SRC: variants seen among roughly 807,000 people sequenced by gnomAD.
SRC encodes the protein proto-oncogene tyrosine-protein kinase Src.
SRC carries 13 observed loss-of-function variants against 62.9 expected under a neutral mutation model. That is an observed-to-expected ratio of 0.21 (90% CI 0.13 to 0.33). The LOEUF is 0.33. Among genes scored for constraint, SRC ranks in the 10% least tolerant of loss-of-function variants. The pLI, the probability that SRC is intolerant of heterozygous loss-of-function variation, is 1.00. For missense variants in SRC, 457 were observed against 737.3 expected (o/e 0.62, Z 4.40); for synonymous variants, 302 against 317.5 (o/e 0.95, Z 0.52).
chr20:37,390,493 G>A lies in SRC; in HGVS notation c.351-3402G>A, dbSNP rs575106243. Among the ~76,000 whole-genome samples, 5 of 150,024 alleles carry A rather than the reference G, an allele frequency of 3.3e-5. No individual in the cohort carries two copies. In the South Asian group the frequency reaches 1.1e-3, roughly 32 times the overall value. On this transcript the variant is annotated intron_variant, in intron 5 of 13. Transcript: ENST00000373578. Reference sequence around the variant, plus strand: ...GCTTACTGCAATCTCTACCTTCTGGGTTCAAGTGATTCTCCTGCCTCAGCT... The same window carrying A: ...GCTTACTGCAATCTCTACCTTCTGGATTCAAGTGATTCTCCTGCCTCAGCT...
chr20:37,380,539 G>A (rs78193490), intron 2 of SRC, among the ~76,000 whole-genome samples: 2,026 of 152,314 alleles, frequency 0.013, 18 homozygotes, highest in Non-Finnish European at 0.021. Flanking sequence ...TGAATACCAC[G>A]GAATGATATT....
chr20:37,358,126 G>T (rs1421437897), intron 1 of SRC, among the ~76,000 whole-genome samples: 4 of 152,222 alleles, frequency 2.6e-5, no homozygotes, highest in African/African-American at 7.2e-5. Context: ...AGAGGAGGAG[G>T]CTGGGCACAG....
intron 11 of SRC, 122 bp downstream of exon 11, chr20:37,401,800 C>G (rs1190831128): frequency 1.4e-5 from 9 of 631,174 alleles, no homozygotes; most frequent in Non-Finnish European, 2.1e-5. Flanking sequence ...TGCCTCCACA[C>G]TCACTGATCT....
intron 5 of SRC, among the ~76,000 whole-genome samples, chr20:37,388,956 C>T (rs182186958): frequency 5.7e-4 from 87 of 152,210 alleles, no homozygotes; most frequent in African/African-American, 2.1e-3. Flanking sequence ...GTGCCTCCCC[C>T]ACCCTGTAAG....
chr20:37,373,198 G>A (rs148073573), intron 2 of SRC, among the ~76,000 whole-genome samples: 1 of 147,124 alleles, frequency 6.8e-6, no homozygotes, highest in Non-Finnish European at 1.5e-5. Context: ...ATACATATAT[G>A]TACATATCTA....
At position 37,396,047 on chromosome 20, in the gene SRC, G is replaced by A. The variant is rs1568642187; in HGVS notation, c.554-115G>A. The A allele has an allele frequency of 2.7e-6, 4 of 1,473,472 alleles. No individual in the cohort carries two copies. Among genetic ancestry groups the A allele is most frequent in the East Asian group, 2.3e-5 (1 of 43,100 alleles). 91.3% of individuals were successfully genotyped at this position (1,473,472 alleles called of 1,614,324 possible). A position where few individuals can be genotyped will look rare whatever the true frequency, so the allele number is the denominator to read the frequency against. ...TGTTGAGAGACAGGGTGGGCCTGGG[G>A]CCCCGCCTGGGCCTCCCTTCCCTCC... is the stretch of plus-strand genomic sequence containing the variant. On this transcript the variant is annotated intron_variant, in intron 7 of 13. Coordinates refer to ENST00000373578, the MANE Select transcript of SRC (RefSeq NM_198291.3). The surrounding 1 kb of genome is among the most constrained non-coding windows in gnomAD (Gnocchi z 6.1).
chr20:37,374,031 G>GTTT lies in SRC; in HGVS notation c.-172-8581_-172-8579dup, dbSNP rs11473947. Among the ~76,000 whole-genome samples, 431 of 147,980 alleles carry GTTT rather than the reference G, an allele frequency of 2.9e-3. 1 individual carries two copies. The highest frequency in any genetic ancestry group is 0.01 in the African/African-American group (416 of 40,308). On this transcript the variant is annotated intron_variant, in intron 2 of 13. Coordinates refer to ENST00000373578, the MANE Select transcript of SRC (RefSeq NM_198291.3). ...ACTTGCCTAGTTAAAAAAAACTTGGGTTTTTTTTTAATTGGGATCACATTG... is the reference window on the plus strand; with the variant it reads ...ACTTGCCTAGTTAAAAAAAACTTGGGTTTTTTTTTTTTAATTGGGATCACATTG...
chr20:37,358,046 G>A (rs1317727127), intron 1 of SRC, among the ~76,000 whole-genome samples: 1 of 152,204 alleles, frequency 6.6e-6, no homozygotes, highest in African/African-American at 2.4e-5. Context: ...TCTGTGGGTG[G>A]TATTAAGCAG....
chr20:37,386,061 A>G lies in SRC; in HGVS notation c.251-14A>G. 1 of 1,609,376 alleles carries G rather than the reference A, an allele frequency of 6.2e-7. No individual in the cohort carries two copies. The highest frequency in any genetic ancestry group is 8.5e-7 in the Non-Finnish European group (1 of 1,175,890). ...TGGCCCCACTGTTCTGACACACCCC[A>G]CCCCTCTCTGCAGGTGGAGTGACCA... On this transcript the variant is annotated splice_polypyrimidine_tract_variant and intron_variant, in intron 4 of 13. Transcript: ENST00000373578.
chr20:37,385,486 A>G (rs2070440338), intron 4 of SRC, among the ~76,000 whole-genome samples: 2 of 144,524 alleles, frequency 1.4e-5, no homozygotes, highest in Admixed American at 6.8e-5. Flanking sequence ...GCTGCTGCGA[A>G]GGCGCAAAAC....
chr20:37,362,116 G>A (rs937048886), intron 1 of SRC, among the ~76,000 whole-genome samples: 2 of 151,894 alleles, frequency 1.3e-5, no homozygotes, highest in South Asian at 2.1e-4. Flanking sequence ...GTGCAGTGGT[G>A]TAATCATAGC....
At chr20:37,358,001 G>A (rs1000578178) in intron 1 of SRC, among the ~76,000 whole-genome samples, 1 of 152,236 alleles carries the variant, frequency 6.6e-6, no homozygotes, top group African/African-American at 2.4e-5. Flanking sequence ...GGAGGCCCCT[G>A]TGACGACTTT....
At chr20:37,379,230 G>A (rs2070324820) in intron 2 of SRC, among the ~76,000 whole-genome samples, 1 of 152,094 alleles carries the variant, frequency 6.6e-6, no homozygotes, top group African/African-American at 2.4e-5. Flanking sequence ...CTTTCCCTGG[G>A]AACCTCAGGC....
chr20:37,396,048 C>T lies in SRC; in HGVS notation c.554-114C>T. The T allele has an allele frequency of 6.8e-7, 1 of 1,474,794 alleles. No individual in the cohort carries two copies. The highest frequency in any genetic ancestry group is 2.0e-5 in the Admixed American group (1 of 50,314). 91.4% of individuals were successfully genotyped at this position (1,474,794 alleles called of 1,614,324 possible). A position where few individuals can be genotyped will look rare whatever the true frequency, so the allele number is the denominator to read the frequency against. ...GTTGAGAGACAGGGTGGGCCTGGGG[C>T]CCCGCCTGGGCCTCCCTTCCCTCCA... On this transcript the variant is annotated intron_variant, in intron 7 of 13. Coordinates refer to ENST00000373578, the MANE Select transcript of SRC (RefSeq NM_198291.3). The surrounding 1 kb of genome is among the most constrained non-coding windows in gnomAD (Gnocchi z 6.1).
intron 9 of SRC, 42 bp from the exon 10 acceptor site, chr20:37,400,073 T>G (rs2070715342): frequency 1.3e-6 from 2 of 1,535,848 alleles, no homozygotes; most frequent in East Asian, 2.3e-5. Context: ...GTGGTAGGAG[T>G]TGGGGGGCTC....
chr20:37,370,990 C>CTTCT (rs2070155382), intron 2 of SRC, among the ~76,000 whole-genome samples: 2 of 84,214 alleles, frequency 2.4e-5, no homozygotes, highest in African/African-American at 1.6e-4. Flanking sequence ...TCTTCTTCTT[C>CTTCT]TTTTTTTTTT....
chr20:37,364,566 G>A (rs2070033318), intron 1 of SRC, among the ~76,000 whole-genome samples: 1 of 152,122 alleles, frequency 6.6e-6, no homozygotes, highest in South Asian at 2.1e-4. Flanking sequence ...GGGTGGAGCT[G>A]AGAGAGGCTA....
chr20:37,356,647 T>TG (rs1386679184), intron 1 of SRC, among the ~76,000 whole-genome samples: 4 of 152,168 alleles, frequency 2.6e-5, no homozygotes, highest in Non-Finnish European at 5.9e-5. Flanking sequence ...CCAAGGCGCC[T>TG]GGGGCATTGG....
At chr20:37,391,048 C>T (rs1436403855) in intron 5 of SRC, among the ~76,000 whole-genome samples, 1 of 152,222 alleles carries the variant, frequency 6.6e-6, no homozygotes, top group Non-Finnish European at 1.5e-5. Context: ...AGTCGGGTAG[C>T]ATCGGCTGCA....
Sources: gnomAD v4.1 joint callset for allele counts (sites outside exome capture counted in the v4.1 genomes callset) on GRCh38, gnomAD v4.1.1 for gene constraint, Gnocchi (gnomAD v3.1) non-coding constraint, MANE v1.5 for transcripts, NCBI Gene and HGNC (gene_info 2026-07-23, HGNC 2026-07-21) for gene names.